DDTL: variants seen among roughly 807,000 people sequenced by gnomAD.
DDTL encodes D-dopachrome tautomerase like.
DDTL carries 1 observed loss-of-function variant against 1.1 expected under a neutral mutation model. That is an observed-to-expected ratio of 0.91 (90% confidence interval 0.32 to 4.31). DDTL has a LOEUF of 4.31. Ranked by LOEUF, DDTL falls within the 30% of genes most tolerant of loss-of-function variation. The probability of loss-of-function intolerance (pLI) is 0.17; values close to 1 mark genes in which losing one functional copy is unlikely to be tolerated. For synonymous variants in DDTL, 21 were observed against 16.6 expected (o/e 1.26, Z -0.64); for missense variants, 54 against 48.9 (o/e 1.10, Z -0.31).
chr22:23,971,149 C>A, intron 2 of DDTL, 137 bp from the exon 3 acceptor site: 1 of 1,311,314 alleles, frequency 7.6e-7, no homozygotes, highest in Non-Finnish European at 1.0e-6. Flanking sequence ...AGCCTCAGGT[C>A]AGCAGTCTGC....
At chr22:23,969,388 G>A (rs553976876) in intron 2 of DDTL, 25 of 983,750 alleles carry the variant, frequency 2.5e-5, no homozygotes, top group African/African-American at 3.6e-5. Flanking sequence ...CAATTAGGAG[G>A]AGGCAGATTG....
At position 23,969,249 on chromosome 22, in the gene DDTL, C is replaced by A. The variant is rs1245401090; in HGVS notation, c.284+1688C>A. ...CTGTCCCAAGCTGTGGCGCTCCTCA[C>A]TGAAAACTGCTGTCACCTCTGAGAG... On this transcript the variant is annotated intron_variant, in intron 2 of 2. Coordinates refer to ENST00000215770, the MANE Select transcript of DDTL (RefSeq NM_001084393.2). 14 of 985,422 alleles carry A rather than the reference C, an allele frequency of 1.4e-5. No individual in the cohort carries two copies. In the South Asian group the frequency reaches 6.6e-4, roughly 46 times the overall value. The allele number at this position is 985,422 out of a possible 1,614,324, so 61.0% of individuals were successfully genotyped here. A position where few individuals can be genotyped will look rare whatever the true frequency, so the allele number is the denominator to read the frequency against.
At chr22:23,969,446 CG>C in intron 2 of DDTL, 1 of 986,466 alleles carries the variant, frequency 1.0e-6, no homozygotes, top group Non-Finnish European at 1.2e-6. Flanking sequence ...GCAGCACACA[CG>C]ATGAGGCTAC....
Position 23,971,571 on chromosome 22 carries a change from T to C in DDTL, c.*165T>C, listed in dbSNP as rs959248179. 13 of 1,613,874 alleles carry C rather than the reference T, an allele frequency of 8.1e-6. No individual in the cohort carries two copies. The highest frequency in any genetic ancestry group is 1.1e-5 in the Non-Finnish European group (13 of 1,179,964). On this transcript the variant is annotated 3_prime_UTR_variant, in exon 3 of 3. Transcript: ENST00000215770. The stretch of plus-strand genomic sequence containing the variant: ...CCCAATCATAAAAAAGTCATGACCG[T>C]CCCTATCTTGCCAATCTGCCAGGAC...
At chr22:23,969,217 A>T (rs2033856314) in intron 2 of DDTL, 11 of 985,410 alleles carry the variant, frequency 1.1e-5, no homozygotes, top group Non-Finnish European at 1.3e-5. Context: ...CCCCGCCCTC[A>T]GCCAGGCTGT....
chr22:23,969,650 A>T (rs1394574807), intron 2 of DDTL: 1 of 912,730 alleles, frequency 1.1e-6, no homozygotes, highest in Non-Finnish European at 1.3e-6. Flanking sequence ...GTGCGACCCC[A>T]TCTCTACAAA....
intron 2 of DDTL, 32 bp from the exon 3 acceptor site, chr22:23,971,254 A>G: frequency 6.3e-7 from 1 of 1,582,196 alleles, no homozygotes; most frequent in Non-Finnish European, 8.6e-7. Context: ...TCCCAGCCCC[A>G]GATCTGAGCA....
At chr22:23,969,395 A>G (rs1448128587) in intron 2 of DDTL, 9 of 983,332 alleles carry the variant, frequency 9.2e-6, no homozygotes, top group Non-Finnish European at 1.1e-5. Flanking sequence ...GAGGAGGCAG[A>G]TTGCCCCTCA....
At position 23,972,159 on chromosome 22, in the gene DDTL, G is replaced by A. The variant is rs2033919474; in HGVS notation, c.*753G>A. On this transcript the variant is annotated 3_prime_UTR_variant, in exon 3 of 3. Coordinates refer to ENST00000215770, the MANE Select transcript of DDTL (RefSeq NM_001084393.2). ...AGCCTGTCTTCTCATCATAAAATTG[G>A]CATAATGGAGATTATCTACCTCATG... is the stretch of plus-strand genomic sequence containing the variant. The A allele has an allele frequency of 5.2e-6, 5 of 969,982 alleles. No homozygotes were observed. Among genetic ancestry groups the A allele is most frequent in the Non-Finnish European group, 6.1e-6 (5 of 816,138 alleles). 60.1% of individuals were successfully genotyped at this position (969,982 alleles called of 1,614,324 possible).
In DDTL at chr22:23,971,565, T is replaced by C; in HGVS notation, c.*159T>C. 1.9e-6 allele frequency: 3 copies of C among 1,614,120 alleles called. No individual in the cohort carries two copies. The highest frequency in any genetic ancestry group is 1.7e-5 in the Admixed American group (1 of 60,018). Reference sequence around the variant, plus strand: ...TCCGTGCCCAATCATAAAAAAGTCATGACCGTCCCTATCTTGCCAATCTGC... The same window carrying C: ...TCCGTGCCCAATCATAAAAAAGTCACGACCGTCCCTATCTTGCCAATCTGC... On this transcript the variant is annotated 3_prime_UTR_variant, in exon 3 of 3. Transcript: ENST00000215770.
At chr22:23,971,116 C>A (rs1230274045) in intron 2 of DDTL, among the ~76,000 whole-genome samples, 170 bp from the exon 3 acceptor site, 1 of 152,160 alleles carries the variant, frequency 6.6e-6, no homozygotes, top group African/African-American at 2.4e-5. Context: ...GAGGTCTGGT[C>A]CCATTTTGGG....
chr22:23,971,341 GGA>G lies in DDTL; in HGVS notation c.345_346del (p.Glu115AspfsTer5), dbSNP rs199896117. The G allele has an allele frequency of 3.8e-3, 6,119 of 1,614,148 alleles. 60 individuals are homozygous for G. The highest frequency in any genetic ancestry group is 0.036 in the East Asian group (1,598 of 44,874). On this transcript the variant is annotated frameshift_variant, in exon 3 of 3. Coordinates refer to ENST00000215770, the MANE Select transcript of DDTL (RefSeq NM_001084393.2). LOFTEE classifies it low-confidence loss of function (END_TRUNC). ...TGCCCATGGTGGCCCCAGATGCCCA[GGA>G]GAGATAATAGAAGGTAAGAAGTCAT... The part of the protein sequence containing the change: ...PAAHGGPRCP[G>X]EIIEGKKSCL...
rs1038342504 is a variant in DDTL at position 23,971,408 on chromosome 22, G to A, written c.*2G>A. On this transcript the variant is annotated 3_prime_UTR_variant, in exon 3 of 3. Transcript: ENST00000215770. ...GCTCTCTTCATTTATTTCATATGAG[G>A]ATGAAGAAGAGGATTATGTGATCAC... is the stretch of plus-strand genomic sequence containing the variant. The A allele has an allele frequency of 6.2e-7, 1 of 1,613,148 alleles. No homozygotes were observed.
intron 2 of DDTL, among the ~76,000 whole-genome samples, chr22:23,970,523 G>A (rs549735796): frequency 1.3e-5 from 2 of 152,262 alleles, no homozygotes; most frequent in South Asian, 4.1e-4. Flanking sequence ...TTGTGTGTGT[G>A]TGTGTACGTG....
intron 2 of DDTL, chr22:23,969,343 CAG>C: frequency 1.0e-6 from 1 of 985,480 alleles, no homozygotes; most frequent in Non-Finnish European, 1.2e-6. Flanking sequence ...TTTGAGAAAA[CAG>C]GTGTCTGAGG....
chr22:23,969,567 G>A (rs559885474), intron 2 of DDTL: 24 of 975,328 alleles, frequency 2.5e-5, no homozygotes, highest in Non-Finnish European at 2.8e-5. Flanking sequence ...ACCGGGATGA[G>A]CACTTTTGCA....
At chr22:23,969,444 C>CA in intron 2 of DDTL, 1 of 986,462 alleles carries the variant, frequency 1.0e-6, no homozygotes, top group Non-Finnish European at 1.2e-6. Context: ...GTGCAGCACA[C>CA]ACGATGAGGC....
chr22:23,969,629 T>C (rs779926564), intron 2 of DDTL: 21 of 985,072 alleles, frequency 2.1e-5, no homozygotes, highest in Non-Finnish European at 2.4e-5. Context: ...AAGACCACCC[T>C]GGGAAACAAA....
intron 2 of DDTL, among the ~76,000 whole-genome samples, chr22:23,970,034 C>T (rs999500801): frequency 2.0e-5 from 3 of 152,106 alleles, no homozygotes; most frequent in East Asian, 1.9e-4. Context: ...CTAGAAGTGA[C>T]CTTGAGTTGC....
Sources: gnomAD v4.1 joint callset for allele counts (sites outside exome capture counted in the v4.1 genomes callset) on GRCh38, gnomAD v4.1.1 for gene constraint, MANE v1.5 for transcripts, NCBI Gene and HGNC (gene_info 2026-07-23, HGNC 2026-07-21) for gene names.